PKNOX2: variants seen among roughly 807,000 people sequenced by gnomAD.
PKNOX2 encodes homeobox protein PKNOX2.
A neutral mutation model predicts 53.1 loss-of-function variants in PKNOX2; 14 were observed. That is an observed-to-expected ratio of 0.26 (90% CI 0.17 to 0.41). PKNOX2 has a LOEUF of 0.41. PKNOX2 is among the 10% of genes least tolerant of loss of function. The pLI, the probability that PKNOX2 is intolerant of heterozygous loss-of-function variation, is 1.00. For synonymous variants in PKNOX2, 257 were observed against 242.8 expected (o/e 1.06, Z -0.54); for missense variants, 496 against 602.8 (o/e 0.82, Z 1.85).
At chr11:125,198,965 T>A (rs1356339045) in intron 1 of PKNOX2, among the ~76,000 whole-genome samples, 1 of 151,938 alleles carries the variant, frequency 6.6e-6, no homozygotes, top group Non-Finnish European at 1.5e-5. Flanking sequence ...CTCAGCCTCC[T>A]GTGTAGCTGG....
chr11:125,185,949 C>T (rs1423042831), intron 1 of PKNOX2, among the ~76,000 whole-genome samples: 1 of 152,136 alleles, frequency 6.6e-6, no homozygotes, highest in African/African-American at 2.4e-5. Context: ...GAGGAACCAC[C>T]AAACTGTTTT....
intron 2 of PKNOX2, among the ~76,000 whole-genome samples, chr11:125,248,552 G>C (rs758914981): frequency 2.6e-5 from 4 of 151,434 alleles, no homozygotes; most frequent in Non-Finnish European, 4.4e-5. Context: ...TATACTGGTA[G>C]AGTAGTGTGG....
Position 125,396,362 on chromosome 11 carries a change from A to C in PKNOX2, c.400-1512A>C, listed in dbSNP as rs1254914241. On this transcript the variant is annotated intron_variant, in intron 6 of 12. Coordinates refer to ENST00000298282, the MANE Select transcript of PKNOX2 (RefSeq NM_001382323.2). Reference sequence around the variant, plus strand: ...GTTTATAGTTTTCTGTCTTACATTTATGTCTTTGATCCATTTTGAGTTAAT... The same window carrying C: ...GTTTATAGTTTTCTGTCTTACATTTCTGTCTTTGATCCATTTTGAGTTAAT... Among the ~76,000 whole-genome samples, 5 of 151,784 alleles carry C rather than the reference A, an allele frequency of 3.3e-5. No homozygotes were observed. In the East Asian group the frequency reaches 9.7e-4, roughly 29 times the overall value.
chr11:125,281,239 C>T (rs759254870), intron 2 of PKNOX2, among the ~76,000 whole-genome samples: 14 of 152,190 alleles, frequency 9.2e-5, no homozygotes, highest in Non-Finnish European at 1.0e-4. Context: ...ACTCCTGGAA[C>T]GTATATGCGT....
chr11:125,392,082 G>A (rs984671351), intron 6 of PKNOX2, among the ~76,000 whole-genome samples: 11 of 152,202 alleles, frequency 7.2e-5, no homozygotes, highest in African/African-American at 2.4e-4. Context: ...CTGGCTGGAC[G>A]TAGAATAGCA....
At chr11:125,226,350 C>A (rs1019237792) in intron 1 of PKNOX2, among the ~76,000 whole-genome samples, 36 of 152,246 alleles carry the variant, frequency 2.4e-4, no homozygotes, top group African/African-American at 8.4e-4. Flanking sequence ...AATCTGTAAA[C>A]CTCTCCCCGG....
chr11:125,291,395 G>T (rs1947296095), intron 2 of PKNOX2, among the ~76,000 whole-genome samples: 1 of 152,138 alleles, frequency 6.6e-6, no homozygotes. Context: ...GCAGGCTCGA[G>T]TGTGCTATGT....
chr11:125,261,442 C>A (rs1309943848), intron 2 of PKNOX2, among the ~76,000 whole-genome samples: 1 of 152,212 alleles, frequency 6.6e-6, no homozygotes, highest in African/African-American at 2.4e-5. Flanking sequence ...GGGTGCCCTG[C>A]AGCTAAGCAC....
intron 2 of PKNOX2, among the ~76,000 whole-genome samples, chr11:125,317,111 T>A (rs1174561797): frequency 6.6e-6 from 1 of 152,230 alleles, no homozygotes; most frequent in Non-Finnish European, 1.5e-5. Flanking sequence ...AGCAATTTCT[T>A]ATTCATTCAA....
At chr11:125,346,726 C>G (rs73618158) in intron 3 of PKNOX2, among the ~76,000 whole-genome samples, 26,192 of 151,574 alleles carry the variant, frequency 0.17, 5,149 homozygotes, top group African/African-American at 0.48. Flanking sequence ...GCCCTCATGA[C>G]TGCCTCTTAG....
intron 6 of PKNOX2, among the ~76,000 whole-genome samples, chr11:125,394,217 G>T (rs983030645): frequency 6.6e-6 from 1 of 152,152 alleles, no homozygotes; most frequent in Non-Finnish European, 1.5e-5. Context: ...CAAGATGTTC[G>T]TGGCCAAAGT....
At chr11:125,213,129 G>A (rs1245975485) in intron 1 of PKNOX2, among the ~76,000 whole-genome samples, 2 of 152,090 alleles carry the variant, frequency 1.3e-5, no homozygotes, top group Admixed American at 6.5e-5. Context: ...TCTAAATCCA[G>A]GCTCTAGAAT....
chr11:125,266,822 C>A (rs374959221), intron 2 of PKNOX2: 1 of 152,188 alleles, frequency 6.6e-6, no homozygotes, highest in African/African-American at 2.4e-5. Context: ...CTACTTCCCA[C>A]CCAGGTTCTA....
At chr11:125,195,955 C>G (rs1356675938) in intron 1 of PKNOX2, among the ~76,000 whole-genome samples, 1 of 151,552 alleles carries the variant, frequency 6.6e-6, no homozygotes, top group East Asian at 1.9e-4. Flanking sequence ...CACAGAAACT[C>G]CAGGTTAAGG....
chr11:125,236,240 G>GCACAGTCGCCTGCACA (rs1565476020), intron 2 of PKNOX2, among the ~76,000 whole-genome samples: 26 of 152,160 alleles, frequency 1.7e-4, no homozygotes, highest in Non-Finnish European at 5.9e-5. Flanking sequence ...ATTCAGCGCC[G>GCACAGTCGCCTGCACA]GTCGCCTCTG....
At chr11:125,295,123 G>A (rs1247408380) in intron 2 of PKNOX2, among the ~76,000 whole-genome samples, 1 of 152,162 alleles carries the variant, frequency 6.6e-6, no homozygotes, top group Non-Finnish European at 1.5e-5. Flanking sequence ...GGACATAAAG[G>A]AACATTTAAT....
intron 1 of PKNOX2, among the ~76,000 whole-genome samples, chr11:125,228,193 T>C (rs1941879678): frequency 6.6e-6 from 1 of 152,220 alleles, no homozygotes; most frequent in Non-Finnish European, 1.5e-5. Context: ...ATCTGAGCCG[T>C]CCAGTATGAC....
At chr11:125,280,090 G>C (rs1265675549) in intron 2 of PKNOX2, among the ~76,000 whole-genome samples, 1 of 147,896 alleles carries the variant, frequency 6.8e-6, no homozygotes, top group East Asian at 2.0e-4. Flanking sequence ...CCCTGATAAA[G>C]GATTTTTTTT....
intron 10 of PKNOX2, among the ~76,000 whole-genome samples, chr11:125,425,102 T>A (rs1216016908): frequency 6.6e-6 from 1 of 152,040 alleles, no homozygotes; most frequent in Non-Finnish European, 1.5e-5. Flanking sequence ...TCGCACAGAG[T>A]GAGTCAATGG....
Sources: gnomAD v4.1 joint callset for allele counts (sites outside exome capture counted in the v4.1 genomes callset) on GRCh38, gnomAD v4.1.1 for gene constraint, MANE v1.5 for transcripts, NCBI Gene and HGNC (gene_info 2026-07-23, HGNC 2026-07-21) for gene names.